Variants in PCDH15 observed in about 807,000 individuals in gnomAD.
PCDH15 encodes the protein protocadherin related 15.
A neutral mutation model predicts 178.5 loss-of-function variants in PCDH15; 129 were observed. That is an observed-to-expected ratio of 0.72 (90% CI 0.63 to 0.84). The LOEUF is 0.84. PCDH15 is among the 40% of genes least tolerant of loss of function. PCDH15 has a pLI of 0.00. For synonymous variants in PCDH15, 800 were observed against 732.0 expected, an observed-to-expected ratio of 1.09 and a Z score of -1.50; for missense variants, 2,230 against 2,099.9, an observed-to-expected ratio of 1.06 and a Z score of -1.21.
chr10:54,117,881 C>T (rs1283185105), intron 15 of PCDH15, among the ~76,000 whole-genome samples: 3 of 152,088 alleles, frequency 2.0e-5, no homozygotes, highest in Admixed American at 6.6e-5. Context: ...TAATGGGCCT[C>T]ATAGGGGAGG....
chr10:54,228,032 T>C (rs1425485455), intron 9 of PCDH15, among the ~76,000 whole-genome samples: 1 of 152,138 alleles, frequency 6.6e-6, no homozygotes, highest in Non-Finnish European at 1.5e-5. Context: ...CTTCCTATCT[T>C]CTACAGAGCC....
At position 53,961,736 on chromosome 10, in the gene PCDH15, G is replaced by A. The variant is rs1421755040; in HGVS notation, c.3009+16C>T. 4 of 1,591,402 alleles carry A rather than the reference G, an allele frequency of 2.5e-6. No individual in the cohort carries two copies. The highest frequency in any genetic ancestry group is 3.4e-6 in the Non-Finnish European group (4 of 1,167,688). ...TTAAACATCAAATAGACCACATAAT[G>A]AAAAGAGACACTGACCTTAAAAATT... On this transcript the variant is annotated intron_variant, in intron 22 of 37. Coordinates refer to ENST00000644397, the MANE Select transcript of PCDH15 (RefSeq NM_001384140.1).
chr10:55,046,314 CTCACAGATATT>C (rs887404693), intron 2 of PCDH15, among the ~76,000 whole-genome samples: 1 of 151,966 alleles, frequency 6.6e-6, no homozygotes, highest in African/African-American at 2.4e-5. Context: ...CGAAAGAAAT[CTCACAGATATT>C]TCACAAATCC....
At chr10:54,669,749 A>C (rs1388841576) in intron 1 of PCDH15, among the ~76,000 whole-genome samples, 1 of 149,592 alleles carries the variant, frequency 6.7e-6, no homozygotes, top group Non-Finnish European at 1.5e-5. Flanking sequence ...TTGACTACCA[A>C]ATTTAAAATA....
intron 3 of PCDH15, among the ~76,000 whole-genome samples, chr10:54,482,284 AC>A (rs2078772503): frequency 6.6e-6 from 1 of 151,878 alleles, no homozygotes; most frequent in Admixed American, 6.6e-5. Flanking sequence ...AAGTTGAAAT[AC>A]ACTCTTCAGT....
chr10:55,137,212 C>T (rs1564828065), intron 2 of PCDH15, among the ~76,000 whole-genome samples: 1 of 152,118 alleles, frequency 6.6e-6, no homozygotes, highest in Non-Finnish European at 1.5e-5. Flanking sequence ...CAGTCAACAA[C>T]AGACTGCACA....
intron 18 of PCDH15, among the ~76,000 whole-genome samples, chr10:54,054,738 C>CAAACATT (rs2093848530): frequency 6.6e-6 from 1 of 152,068 alleles, no homozygotes; most frequent in African/African-American, 2.4e-5. Flanking sequence ...AAAATAGTCA[C>CAAACATT]AGACATTAGG....
chr10:54,859,437 CTCT>C lies in PCDH15; in HGVS notation c.-29+38010_-29+38012del, dbSNP rs764884593. ...TAGGACTTCGTTTTCTTTCTGAAAA[CTCT>C]TCTTCAAACATTTGTCTTTTTCCTA... is the stretch of plus-strand genomic sequence containing the variant. On this transcript the variant is annotated intron_variant, in intron 3 of 5. Coordinates refer to the PCDH15 transcript ENST00000458638. Among the ~76,000 whole-genome samples, 67 of 152,118 alleles carry C rather than the reference CTCT, an allele frequency of 4.4e-4. 1 individual carries two copies. In the Middle Eastern group the frequency reaches 0.02, roughly 46 times the overall value.
At chr10:55,034,692 A>G (rs906995199) in intron 2 of PCDH15, among the ~76,000 whole-genome samples, 1 of 152,196 alleles carries the variant, frequency 6.6e-6, no homozygotes, top group Non-Finnish European at 1.5e-5. Flanking sequence ...TGTCATTTAC[A>G]TTTAATTTCT....
chr10:54,439,438 T>C (rs2075654945), intron 3 of PCDH15, among the ~76,000 whole-genome samples: 1 of 152,112 alleles, frequency 6.6e-6, no homozygotes, highest in African/African-American at 2.4e-5. Flanking sequence ...TAGTTGTCTG[T>C]TCCATTACGG....
intron 3 of PCDH15, among the ~76,000 whole-genome samples, chr10:54,470,244 C>T (rs1005460940): frequency 7.2e-5 from 11 of 152,172 alleles, no homozygotes; most frequent in African/African-American, 2.7e-4. Context: ...CTGAGGAATG[C>T]AAGTTTCAGC....
intron 1 of PCDH15, among the ~76,000 whole-genome samples, chr10:54,789,350 AG>A (rs1425649782): frequency 3.3e-5 from 5 of 152,006 alleles, no homozygotes; most frequent in Admixed American, 3.3e-4. Context: ...GTTGTCTAAC[AG>A]CTTATTCTTT....
intron 2 of PCDH15, among the ~76,000 whole-genome samples, chr10:55,392,811 T>G (rs1156320648): frequency 6.6e-6 from 1 of 152,076 alleles, no homozygotes; most frequent in African/African-American, 2.4e-5. Context: ...TTAATATAAA[T>G]AAATAACAGA....
At chr10:55,199,690 G>A (rs998494477) in intron 1 of PCDH15, among the ~76,000 whole-genome samples, 2 of 152,110 alleles carry the variant, frequency 1.3e-5, no homozygotes, top group African/African-American at 4.8e-5. Context: ...ACCTAGGAGA[G>A]AAAATGGTTT....
At chr10:54,497,291 T>A (rs1310279631) in intron 3 of PCDH15, among the ~76,000 whole-genome samples, 1 of 146,494 alleles carries the variant, frequency 6.8e-6, no homozygotes. Flanking sequence ...AAAGCACAAA[T>A]CCCCATCCAA....
chr10:55,194,896 T>C (rs1246272300), intron 1 of PCDH15, among the ~76,000 whole-genome samples: 6 of 152,106 alleles, frequency 3.9e-5, no homozygotes, highest in African/African-American at 1.4e-4. Context: ...TATGTTTATA[T>C]ACAATTCAAC....
chr10:54,133,419 A>G (rs909222981), intron 14 of PCDH15, among the ~76,000 whole-genome samples: 3 of 152,196 alleles, frequency 2.0e-5, no homozygotes, highest in African/African-American at 7.2e-5. Context: ...ATTGATTACA[A>G]TAACTCACAA....
chr10:54,790,365 T>TA (rs34473599), intron 1 of PCDH15, among the ~76,000 whole-genome samples: 2 of 151,318 alleles, frequency 1.3e-5, no homozygotes, highest in African/African-American at 4.8e-5. Flanking sequence ...CCTATATATG[T>TA]AAAAAATATA....
At chr10:55,438,786 A>G (rs7906324) in intron 2 of PCDH15, among the ~76,000 whole-genome samples, 116,992 of 151,752 alleles carry the variant, frequency 0.77, 46,380 homozygotes, top group East Asian at 1. Flanking sequence ...TTTTTGTTCT[A>G]TTAAAGAAAT....
Sources: gnomAD v4.1 joint callset for allele counts (sites outside exome capture counted in the v4.1 genomes callset) on GRCh38, gnomAD v4.1.1 for gene constraint, MANE v1.5 for transcripts, NCBI Gene and HGNC (gene_info 2026-07-23, HGNC 2026-07-21) for gene names.